The following BMPER variants were observed in gnomAD, a reference collection of about 807,000 sequenced individuals.
BMPER encodes the protein BMP binding endothelial regulator.
A neutral mutation model predicts 87.3 loss-of-function variants in BMPER; 45 were observed. That is an observed-to-expected ratio of 0.52 (90% confidence interval 0.41 to 0.66). The LOEUF is 0.66. Among genes scored for constraint, BMPER ranks in the 30% least tolerant of loss-of-function variants. The pLI is 0.00. For missense variants in BMPER, 784 were observed against 867.5 expected (o/e 0.90, Z 1.21); for synonymous variants, 326 against 316.2 (o/e 1.03, Z -0.33).
intron 5 of BMPER, among the ~76,000 whole-genome samples, chr7:33,974,480 C>T (rs893153316): frequency 6.6e-6 from 1 of 152,092 alleles, no homozygotes; most frequent in African/African-American, 2.4e-5. Context: ...GACCTGGGTT[C>T]CACTGTCTTA....
chr7:34,104,485 C>CT (rs1188858373), intron 13 of BMPER, among the ~76,000 whole-genome samples: 1 of 152,178 alleles, frequency 6.6e-6, no homozygotes, highest in Non-Finnish European at 1.5e-5. Flanking sequence ...GTGTTTAAAC[C>CT]TTGAGACTTG....
chr7:33,995,378 A>G (rs1786377283), intron 6 of BMPER, among the ~76,000 whole-genome samples: 1 of 152,102 alleles, frequency 6.6e-6, no homozygotes, highest in South Asian at 2.1e-4. Flanking sequence ...AAGTGGAGGA[A>G]GCTTTCCTTT....
At chr7:34,103,373 CAGT>C (rs1789733672) in intron 13 of BMPER, among the ~76,000 whole-genome samples, 1 of 152,194 alleles carries the variant, frequency 6.6e-6, no homozygotes, top group Non-Finnish European at 1.5e-5. Context: ...TCACATTTAT[CAGT>C]AGAATCTAGA....
At position 34,078,476 on chromosome 7, in the gene BMPER, T is replaced by C. The variant is rs370195048; in HGVS notation, c.1079-381T>C. On this transcript the variant is annotated intron_variant, in intron 11 of 14. Transcript: ENST00000649409. ...TAATGTCTTGGTGTATTGACATTGA[T>C]GTTGCTCCCATTTGTTTATTTATAT... Among the ~76,000 whole-genome samples, 14 of 152,342 alleles carry C rather than the reference T, an allele frequency of 9.2e-5. No homozygotes were observed. In the East Asian group the frequency reaches 2.3e-3, roughly 25 times the overall value.
chr7:33,970,855 G>T (rs1235953520), intron 5 of BMPER, among the ~76,000 whole-genome samples: 1 of 152,154 alleles, frequency 6.6e-6, no homozygotes, highest in Non-Finnish European at 1.5e-5. Context: ...GCTGGTCTCA[G>T]TTTTCCATGT....
intron 6 of BMPER, among the ~76,000 whole-genome samples, chr7:34,000,651 G>A (rs1223821231): frequency 6.6e-6 from 1 of 152,036 alleles, no homozygotes; most frequent in Non-Finnish European, 1.5e-5. Context: ...CTGATTCTAG[G>A]TGAAGGACAT....
intron 13 of BMPER, among the ~76,000 whole-genome samples, chr7:34,107,908 A>G (rs1159067855): frequency 6.6e-6 from 1 of 152,104 alleles, no homozygotes; most frequent in Non-Finnish European, 1.5e-5. Flanking sequence ...CTAGACCTCA[A>G]TCTCCTTATC....
rs201938612 is a variant in BMPER, at chr7:34,051,977, C to A, written c.786+7C>A. On this transcript the variant is annotated splice_region_variant and intron_variant, in intron 8 of 14. Coordinates refer to ENST00000649409, the MANE Select transcript of BMPER (RefSeq NM_001365308.1). ...CACAGCTTGTACCTGCAGGGTAAGG[C>A]AGCTCTGAGAGGCTGTGGTCCAGCA... is the stretch of plus-strand genomic sequence containing the variant. 1.9e-6 allele frequency: 3 copies of A among 1,604,876 alleles called. No homozygotes were observed. In the Admixed American group the frequency reaches 5.0e-5, roughly 27 times the overall value.
At chr7:34,087,943 A>G (rs1350689136) in intron 13 of BMPER, among the ~76,000 whole-genome samples, 2 of 152,246 alleles carry the variant, frequency 1.3e-5, no homozygotes, top group Non-Finnish European at 2.9e-5. Context: ...CAACAGAAAT[A>G]TGATGAGCGC....
At chr7:33,978,992 CAGTT>C (rs1785766534) in intron 6 of BMPER, among the ~76,000 whole-genome samples, 1 of 152,006 alleles carries the variant, frequency 6.6e-6, no homozygotes, top group South Asian at 2.1e-4. Flanking sequence ...ACTGTACTGG[CAGTT>C]AGAAGTGTGG....
At chr7:34,096,079 C>T (rs538135014) in intron 13 of BMPER, among the ~76,000 whole-genome samples, 49 of 152,266 alleles carry the variant, frequency 3.2e-4, no homozygotes, top group South Asian at 1.2e-3. Flanking sequence ...GGCTCTTGTG[C>T]GAACAGGCCT....
At chr7:34,143,497 T>A in intron 14 of BMPER, 137 bp downstream of exon 14, 1 of 1,319,788 alleles carries the variant, frequency 7.6e-7, no homozygotes, top group Non-Finnish European at 1.1e-6. Flanking sequence ...GTAGCCCATC[T>A]GGATTGCTAC....
intron 6 of BMPER, among the ~76,000 whole-genome samples, chr7:33,989,399 C>G (rs1035177942): frequency 1.3e-5 from 2 of 151,978 alleles, no homozygotes; most frequent in Non-Finnish European, 2.9e-5. Flanking sequence ...TGTTTTTTGG[C>G]TGCATAAATG....
At chr7:34,151,943 T>G (rs2127997061) in intron 14 of BMPER, among the ~76,000 whole-genome samples, 1 of 152,360 alleles carries the variant, frequency 6.6e-6, no homozygotes, top group Non-Finnish European at 1.5e-5. Flanking sequence ...CAATGGATAT[T>G]TGAGAAGCCT....
intron 6 of BMPER, among the ~76,000 whole-genome samples, chr7:34,037,640 C>T (rs1292237708): frequency 2.0e-5 from 3 of 152,188 alleles, no homozygotes; most frequent in Non-Finnish European, 4.4e-5. Context: ...TTGGTGCTGG[C>T]CAGCAAGACT....
intron 13 of BMPER, among the ~76,000 whole-genome samples, chr7:34,137,176 T>C (rs1026092985): frequency 5.9e-5 from 9 of 152,230 alleles, no homozygotes; most frequent in African/African-American, 1.7e-4. Flanking sequence ...CAAATCCTTT[T>C]TTTCCACCAG....
intron 13 of BMPER, among the ~76,000 whole-genome samples, chr7:34,127,348 A>T (rs983808485): frequency 6.6e-6 from 1 of 152,084 alleles, no homozygotes; most frequent in Non-Finnish European, 1.5e-5. Flanking sequence ...GCTGGCTTCT[A>T]TTGTCCCCCT....
intron 13 of BMPER, among the ~76,000 whole-genome samples, chr7:34,126,960 A>G (rs901208035): frequency 6.6e-6 from 1 of 152,230 alleles, no homozygotes; most frequent in Non-Finnish European, 1.5e-5. Context: ...GTACCTTACA[A>G]TGATAGCAAT....
intron 3 of BMPER, among the ~76,000 whole-genome samples, chr7:33,956,597 T>G (rs1328943158): frequency 1.3e-5 from 2 of 152,096 alleles, no homozygotes; most frequent in Non-Finnish European, 2.9e-5. Context: ...TTTGTCCACC[T>G]CTTCCACCCC....
Sources: gnomAD v4.1 joint callset for allele counts (sites outside exome capture counted in the v4.1 genomes callset) on GRCh38, gnomAD v4.1.1 for gene constraint, MANE v1.5 for transcripts, NCBI Gene and HGNC (gene_info 2026-07-23, HGNC 2026-07-21) for gene names.